The following GRIK2 variants were observed in gnomAD, a reference collection of about 807,000 sequenced individuals.
The protein encoded by GRIK2 is glutamate ionotropic receptor kainate type subunit 2.
Under a neutral mutation model 100.3 loss-of-function variants are expected in GRIK2, and 32 were observed. The ratio of observed to expected loss-of-function variants is 0.32; its 90% CI spans 0.24 to 0.43. The LOEUF (loss-of-function observed/expected upper bound fraction) is 0.43. GRIK2 is among the 20% of genes least tolerant of loss of function. The pLI is 1.00. For missense variants in GRIK2, 843 were observed against 1,114.9 expected, an observed-to-expected ratio of 0.76 and a Z score of 3.47; for synonymous variants, 417 against 389.4, an observed-to-expected ratio of 1.07 and a Z score of -0.83.
intron 11 of GRIK2, among the ~76,000 whole-genome samples, chr6:101,877,148 C>CAT (rs769526261): frequency 4.6e-5 from 7 of 151,850 alleles, no homozygotes; most frequent in Middle Eastern, 3.4e-3. Flanking sequence ...CACACACACA[C>CAT]ATATATATAT....
chr6:101,450,218 T>G (rs1770598485), intron 2 of GRIK2, among the ~76,000 whole-genome samples: 1 of 151,648 alleles, frequency 6.6e-6, no homozygotes, highest in South Asian at 2.1e-4. Flanking sequence ...GGCTTGAAAT[T>G]TTGTAGCTCT....
At chr6:101,618,649 C>G (rs966424848) in intron 2 of GRIK2, among the ~76,000 whole-genome samples, 4 of 151,736 alleles carry the variant, frequency 2.6e-5, no homozygotes, top group African/African-American at 9.7e-5. Flanking sequence ...GTGGCTTCCT[C>G]TGTAATCAAT....
chr6:101,442,430 A>T (rs1770120970), intron 2 of GRIK2, among the ~76,000 whole-genome samples: 1 of 65,524 alleles, frequency 1.5e-5, no homozygotes. Flanking sequence ...CCATCCTGCC[A>T]GTCAGTGCGC....
intron 5 of GRIK2, among the ~76,000 whole-genome samples, chr6:101,680,325 A>G (rs1158594523): frequency 6.6e-6 from 1 of 152,148 alleles, no homozygotes; most frequent in Non-Finnish European, 1.5e-5. Flanking sequence ...AACAGGCAAA[A>G]ATTTTAGAAT....
Position 102,055,423 on chromosome 6 carries a change from A to G in GRIK2, c.2405A>G (p.Asn802Ser), listed in dbSNP as rs780159044. The G allele has an allele frequency of 5.6e-6, 9 of 1,613,588 alleles. No individual in the cohort carries two copies. The highest frequency in any genetic ancestry group is 6.8e-6 in the Non-Finnish European group (8 of 1,179,590). Residue 802 changes from asparagine (N) to serine (S), a missense_variant, in exon 16 of 17, where the codon AAT (asparagine) becomes AGT (serine). Around this residue, in one of 3 missense-constraint regions of GRIK2, gnomAD observed 237 missense variants for 388.0 expected, o/e 0.61. Coordinates refer to ENST00000369134, the MANE Select transcript of GRIK2 (RefSeq NM_021956.5). ...ATGAAGGAGAAATGGTGGAGGGGCA[A>G]TGGTTGCCCAGAAGAGGAGAGCAAA... is the stretch of plus-strand genomic sequence containing the variant. The part of the protein sequence containing the change: ...HMMKEKWWRG[N>S]GCPEEESKEA...
At chr6:101,522,718 C>T (rs1272153539) in intron 2 of GRIK2, among the ~76,000 whole-genome samples, 2 of 152,004 alleles carry the variant, frequency 1.3e-5, no homozygotes, top group Non-Finnish European at 2.9e-5. Context: ...CAGCCTTCTC[C>T]AGATGCTCTC....
intron 7 of GRIK2, among the ~76,000 whole-genome samples, chr6:101,695,374 CT>C (rs1266071765): frequency 6.6e-6 from 1 of 152,118 alleles, no homozygotes. Flanking sequence ...ACTTAATCAT[CT>C]CTCAAAAGCC....
intron 2 of GRIK2, among the ~76,000 whole-genome samples, chr6:101,583,604 T>C (rs1778208484): frequency 1.3e-5 from 2 of 152,116 alleles, no homozygotes; most frequent in South Asian, 2.1e-4. Context: ...TAAGGCCCTA[T>C]ATAGTGATGA....
At chr6:101,547,323 A>AT (rs78256290) in intron 2 of GRIK2, among the ~76,000 whole-genome samples, 93,735 of 151,822 alleles carry the variant, frequency 0.62, 29,194 homozygotes, top group Non-Finnish European at 0.66. Flanking sequence ...TTTTTTTTGG[A>AT]TTTTTTTTAT....
At chr6:101,854,499 A>T (rs766067203) in intron 10 of GRIK2, among the ~76,000 whole-genome samples, 2 of 152,048 alleles carry the variant, frequency 1.3e-5, no homozygotes, top group Non-Finnish European at 2.9e-5. Context: ...ACCTCATGTG[A>T]TTCACCCACC....
chr6:101,556,321 A>ATTTTTTTTTTTTGTTTTTTT (rs1776737288), intron 2 of GRIK2, among the ~76,000 whole-genome samples: 1 of 59,396 alleles, frequency 1.7e-5, no homozygotes, highest in Non-Finnish European at 3.6e-5. Flanking sequence ...TATATTGGTA[A>ATTTTTTTTTTTTGTTTTTTT]TTTTTTTTTT....
chr6:101,975,055 T>C (rs369545730), intron 14 of GRIK2, among the ~76,000 whole-genome samples: 1 of 152,114 alleles, frequency 6.6e-6, no homozygotes, highest in East Asian at 1.9e-4. Flanking sequence ...TTTCTTTCTT[T>C]TATATAGGAA....
chr6:101,826,745 T>C (rs1270587155), intron 10 of GRIK2, among the ~76,000 whole-genome samples: 1 of 151,996 alleles, frequency 6.6e-6, no homozygotes, highest in African/African-American at 2.4e-5. Context: ...AGCAGAAAGA[T>C]AGTAACAACC....
At chr6:101,582,433 C>T (rs1778146653) in intron 2 of GRIK2, among the ~76,000 whole-genome samples, 1 of 152,046 alleles carries the variant, frequency 6.6e-6, no homozygotes, top group African/African-American at 2.4e-5. Context: ...AGGGATTTCC[C>T]CCTTCGCTTG....
chr6:101,846,927 G>A (rs954898696), intron 10 of GRIK2, among the ~76,000 whole-genome samples: 1 of 149,580 alleles, frequency 6.7e-6, no homozygotes, highest in East Asian at 1.9e-4. Context: ...TGTTAATTTT[G>A]TTCATCTTTT....
At chr6:101,616,670 A>G (rs1487134867) in intron 2 of GRIK2, among the ~76,000 whole-genome samples, 1 of 151,744 alleles carries the variant, frequency 6.6e-6, no homozygotes, top group East Asian at 1.9e-4. Flanking sequence ...TGTAAGTAGA[A>G]TTAGTGCTTT....
chr6:101,690,421 A>G (rs564596820), intron 7 of GRIK2, among the ~76,000 whole-genome samples: 5 of 152,096 alleles, frequency 3.3e-5, no homozygotes, highest in Non-Finnish European at 5.9e-5. Context: ...AGCACTGTCA[A>G]TTTTACTGTA....
intron 14 of GRIK2, among the ~76,000 whole-genome samples, chr6:102,028,843 G>A (rs1480670125): frequency 6.6e-6 from 1 of 150,856 alleles, no homozygotes; most frequent in Non-Finnish European, 1.5e-5. Context: ...TTAAGGCAAG[G>A]AGCTTTGGTT....
intron 2 of GRIK2, among the ~76,000 whole-genome samples, chr6:101,541,418 ATACACACACACT>A (rs752843565): frequency 0.029 from 1,740 of 60,266 alleles, 55 homozygotes; most frequent in African/African-American, 0.16. Context: ...ACACACACAC[ATACACACACACT>A]ACACCCTTAT....
Sources: allele counts gnomAD v4.1 joint callset (sites outside exome capture counted in the v4.1 genomes callset), GRCh38; gene constraint gnomAD v4.1.1; regional missense constraint gnomAD v4.1.1; transcripts MANE v1.5; gene names NCBI Gene and HGNC (gene_info 2026-07-23, HGNC 2026-07-21).